CCDC85A: variants seen among roughly 807,000 people sequenced by gnomAD.
The protein encoded by CCDC85A is coiled-coil domain containing 85A.
Under a neutral mutation model 50.2 loss-of-function variants are expected in CCDC85A, and 38 were observed. That is an observed-to-expected ratio of 0.76 (90% CI 0.58 to 0.99). The LOEUF is 0.99. Among genes scored for constraint, CCDC85A ranks in the 50% least tolerant of loss-of-function variants. The probability of loss-of-function intolerance (pLI) is 0.00; values close to 1 mark genes in which losing one functional copy is unlikely to be tolerated. For missense variants in CCDC85A, 820 were observed against 742.0 expected (o/e 1.11, Z -1.22); for synonymous variants, 366 against 301.4 (o/e 1.21, Z -2.22).
At chr2:56,234,599 A>C (rs1354060958) in intron 2 of CCDC85A, among the ~76,000 whole-genome samples, 1 of 152,058 alleles carries the variant, frequency 6.6e-6, no homozygotes, top group Non-Finnish European at 1.5e-5. Context: ...CTTTTTCTCA[A>C]ATGTACCTAT....
At chr2:56,263,748 A>C (rs1319372482) in intron 2 of CCDC85A, among the ~76,000 whole-genome samples, 2 of 152,150 alleles carry the variant, frequency 1.3e-5, no homozygotes. Flanking sequence ...CTCCTTTTAC[A>C]CTGGGGCAAA....
intron 2 of CCDC85A, among the ~76,000 whole-genome samples, chr2:56,317,492 G>A (rs1672974786): frequency 6.6e-6 from 1 of 151,912 alleles, no homozygotes; most frequent in Non-Finnish European, 1.5e-5. Flanking sequence ...AAAGCTAAGT[G>A]GAAAATTAAA....
At chr2:56,366,283 T>C (rs1449345954) in intron 3 of CCDC85A, among the ~76,000 whole-genome samples, 1 of 152,220 alleles carries the variant, frequency 6.6e-6, no homozygotes, top group Non-Finnish European at 1.5e-5. Flanking sequence ...AGTAGTGGGA[T>C]TGCTGAATCA....
chr2:56,221,579 T>G (rs1668331494), intron 2 of CCDC85A, among the ~76,000 whole-genome samples: 1 of 152,098 alleles, frequency 6.6e-6, no homozygotes, highest in Admixed American at 6.6e-5. Context: ...ACATAGCTGA[T>G]GAACTATAAT....
intron 2 of CCDC85A, among the ~76,000 whole-genome samples, chr2:56,316,652 T>C (rs1318762933): frequency 6.6e-6 from 1 of 152,052 alleles, no homozygotes; most frequent in African/African-American, 2.4e-5. Flanking sequence ...ATTGTAAGGA[T>C]AAAGCAAAAA....
chr2:56,262,860 AG>A (rs1467166362), intron 2 of CCDC85A, among the ~76,000 whole-genome samples: 2 of 152,232 alleles, frequency 1.3e-5, no homozygotes, highest in Non-Finnish European at 2.9e-5. Flanking sequence ...ATATGTAACC[AG>A]GGCATTTGGT....
intron 2 of CCDC85A, among the ~76,000 whole-genome samples, chr2:56,225,177 C>G (rs899160077): frequency 6.6e-6 from 1 of 151,652 alleles, no homozygotes; most frequent in Admixed American, 6.6e-5. Context: ...ACTATTTACT[C>G]CTGATTGAAT....
intron 2 of CCDC85A, among the ~76,000 whole-genome samples, chr2:56,236,087 G>A (rs752600611): frequency 1.3e-5 from 2 of 152,180 alleles, no homozygotes; most frequent in Non-Finnish European, 2.9e-5. Context: ...TGAAAATACA[G>A]ATGTGACCAA....
At chr2:56,310,677 C>G (rs1354689005) in intron 2 of CCDC85A, among the ~76,000 whole-genome samples, 3 of 152,142 alleles carry the variant, frequency 2.0e-5, no homozygotes, top group Admixed American at 1.3e-4. Context: ...TTTCTGTTAT[C>G]AGAGCTGTTC....
intron 3 of CCDC85A, among the ~76,000 whole-genome samples, chr2:56,364,206 C>T (rs186760623): frequency 4.5e-4 from 69 of 152,254 alleles, no homozygotes; most frequent in African/African-American, 1.6e-3. Flanking sequence ...GCTACAGAGA[C>T]ACTGGGTGTT....
chr2:56,228,488 A>G (rs1324196040), intron 2 of CCDC85A, among the ~76,000 whole-genome samples: 1 of 152,064 alleles, frequency 6.6e-6, no homozygotes, highest in Non-Finnish European at 1.5e-5. Context: ...ATAAAAGTCT[A>G]CACGTTGTCT....
chr2:56,309,818 C>T lies in CCDC85A; in HGVS notation c.1241-33061C>T, dbSNP rs78034357. ...TGAGAATGCTCTGGGGTTTTGGCAGCGGGGTTTGAGGCTGGCTGCATCACA... is the reference window on the plus strand; with the variant it reads ...TGAGAATGCTCTGGGGTTTTGGCAGTGGGGTTTGAGGCTGGCTGCATCACA... On this transcript the variant is annotated intron_variant, in intron 2 of 5. Transcript: ENST00000407595. 6.1e-3 allele frequency among the ~76,000 whole-genome samples: 922 copies of T among 152,138 alleles called. 8 individuals carry two copies. Among genetic ancestry groups the T allele is most frequent in the African/African-American group, 0.017 (694 of 41,508 alleles).
At chr2:56,212,687 C>T (rs1677227456) in intron 2 of CCDC85A, among the ~76,000 whole-genome samples, 1 of 152,050 alleles carries the variant, frequency 6.6e-6, no homozygotes, top group Non-Finnish European at 1.5e-5. Context: ...TGTACCCGCA[C>T]TGGTGACACA....
At chr2:56,194,868 C>T (rs548615529) in intron 2 of CCDC85A, among the ~76,000 whole-genome samples, 1 of 151,450 alleles carries the variant, frequency 6.6e-6, no homozygotes, top group African/African-American at 2.4e-5. Context: ...GCCCCCACCC[C>T]CACCCCATTG....
intron 2 of CCDC85A, among the ~76,000 whole-genome samples, chr2:56,318,005 T>A (rs1672998661): frequency 6.6e-6 from 1 of 152,118 alleles, no homozygotes; most frequent in African/African-American, 2.4e-5. Context: ...CACCTTCTTT[T>A]AGCATTTTTG....
chr2:56,250,295 A>G (rs940782789), intron 2 of CCDC85A, among the ~76,000 whole-genome samples: 8 of 152,218 alleles, frequency 5.3e-5, no homozygotes, highest in African/African-American at 1.7e-4. Flanking sequence ...CCTGGACCCT[A>G]TGCTGTAATT....
At chr2:56,322,807 G>A (rs555372522) in intron 2 of CCDC85A, among the ~76,000 whole-genome samples, 4 of 152,178 alleles carry the variant, frequency 2.6e-5, no homozygotes, top group Admixed American at 2.6e-4. Flanking sequence ...TATACCCAAA[G>A]GATTATAAAT....
At chr2:56,324,676 C>A (rs770357110) in intron 2 of CCDC85A, among the ~76,000 whole-genome samples, 9 of 152,070 alleles carry the variant, frequency 5.9e-5, no homozygotes, top group Non-Finnish European at 1.0e-4. Context: ...ACATTATTCA[C>A]AATTGTGTTT....
intron 2 of CCDC85A, among the ~76,000 whole-genome samples, chr2:56,327,187 T>C (rs1407293099): frequency 6.6e-6 from 1 of 152,210 alleles, no homozygotes. Flanking sequence ...CTTAGCTGCC[T>C]TTAGCAGTTA....
Sources: allele counts gnomAD v4.1 joint callset (sites outside exome capture counted in the v4.1 genomes callset), GRCh38; gene constraint gnomAD v4.1.1; transcripts MANE v1.5; gene names NCBI Gene and HGNC (gene_info 2026-07-23, HGNC 2026-07-21).